STK32B: variants seen among roughly 807,000 people sequenced by gnomAD.
STK32B encodes the protein serine/threonine kinase 32B, also known as serine/threonine-protein kinase 32B.
Under a neutral mutation model 52.6 loss-of-function variants are expected in STK32B, and 43 were observed. The observed-to-expected ratio is 0.82, with a 90% CI of 0.64 to 1.05. The LOEUF is 1.05. Ranked by LOEUF, STK32B falls within the 50% of genes least tolerant of loss-of-function variation. The probability of loss-of-function intolerance (pLI) is 0.00; values close to 1 mark genes in which losing one functional copy is unlikely to be tolerated. For missense variants in STK32B, 621 were observed against 534.6 expected, an observed-to-expected ratio of 1.16 and a Z score of -1.59; for synonymous variants, 238 against 204.3, an observed-to-expected ratio of 1.17 and a Z score of -1.41.
intron 4 of STK32B, among the ~76,000 whole-genome samples, chr4:5,337,190 C>T (rs902815998): frequency 1.3e-5 from 2 of 151,308 alleles, no homozygotes; most frequent in East Asian, 3.9e-4. Flanking sequence ...GGTTTCAGCA[C>T]GTTACCCGGG....
At chr4:5,351,804 C>T (rs1318595970) in intron 4 of STK32B, among the ~76,000 whole-genome samples, 1 of 151,944 alleles carries the variant, frequency 6.6e-6, no homozygotes, top group Non-Finnish European at 1.5e-5. Context: ...TACGAAAGAT[C>T]ATCAGATACC....
At chr4:5,443,746 T>A (rs1036179374) in intron 6 of STK32B, among the ~76,000 whole-genome samples, 17 of 151,920 alleles carry the variant, frequency 1.1e-4, no homozygotes, top group Non-Finnish European at 2.1e-4. Context: ...CTACTTTTGG[T>A]CTTTGATGAT....
In STK32B at chr4:5,058,440, G is replaced by A. The variant is rs1742089880; in HGVS notation, c.52+6525G>A. On this transcript the variant is annotated intron_variant, in intron 1 of 11. Transcript: ENST00000282908. The surrounding 1 kb of genome is among the most constrained non-coding windows in gnomAD (Gnocchi z 4.8). ...GAGCAACCACAGTGATCTACATGGT[G>A]GAACTTATTTCAGTCTGGTTCCCAG... is the stretch of plus-strand genomic sequence containing the variant. 6.6e-6 allele frequency among the ~76,000 whole-genome samples: 1 copy of A among 152,192 alleles called. No homozygotes were observed. Among genetic ancestry groups the A allele is most frequent in the Non-Finnish European group, 1.5e-5 (1 of 68,038 alleles).
chr4:5,296,622 T>C (rs1408759078), intron 3 of STK32B, among the ~76,000 whole-genome samples: 1 of 152,218 alleles, frequency 6.6e-6, no homozygotes, highest in Non-Finnish European at 1.5e-5. Context: ...TTGGTGAATA[T>C]CCCTCCATCC....
At chr4:5,317,014 A>AATATATAATATATATGATATAATAT (rs1730977113) in intron 3 of STK32B, among the ~76,000 whole-genome samples, 2 of 25,610 alleles carry the variant, frequency 7.8e-5, no homozygotes, top group Non-Finnish European at 1.0e-4. Context: ...TAATATATAT[A>AATATATAATATATATGATATAATAT]ATATATAATA....
At chr4:5,184,017 T>C (rs1720552704) in intron 3 of STK32B, among the ~76,000 whole-genome samples, 1 of 152,202 alleles carries the variant, frequency 6.6e-6, no homozygotes, top group African/African-American at 2.4e-5. Context: ...GTTTCTCTTC[T>C]TTATCATTGT....
chr4:5,115,307 T>C (rs370472788), intron 1 of STK32B, among the ~76,000 whole-genome samples: 49 of 152,284 alleles, frequency 3.2e-4, no homozygotes, highest in African/African-American at 9.9e-4. Context: ...TTCTAATCTC[T>C]GCATCAGCAT....
At chr4:5,432,715 T>G (rs994873730) in intron 6 of STK32B, among the ~76,000 whole-genome samples, 1 of 152,206 alleles carries the variant, frequency 6.6e-6, no homozygotes, top group Non-Finnish European at 1.5e-5. Context: ...GAAGTTTTCA[T>G]GCTAAAAAGC....
chr4:5,430,023 G>A (rs1392462071), intron 6 of STK32B, among the ~76,000 whole-genome samples: 1 of 151,790 alleles, frequency 6.6e-6, no homozygotes, highest in Non-Finnish European at 1.5e-5. Context: ...CCCTCTTTTT[G>A]ATTTTAGATA....
intron 11 of STK32B, among the ~76,000 whole-genome samples, chr4:5,482,629 T>C (rs888865521): frequency 6.6e-6 from 1 of 152,194 alleles, no homozygotes; most frequent in Non-Finnish European, 1.5e-5. Context: ...CTATATTGAA[T>C]AGGAGTAGTG....
the STK32B span, among the ~76,000 whole-genome samples, chr4:5,036,941 T>C: frequency 2.6e-5 from 4 of 152,130 alleles, no homozygotes; most frequent in East Asian, 7.8e-4. Flanking sequence ...GCTGGGATTA[T>C]AGGCATGAGA....
At chr4:5,331,058 A>C (rs1190895460) in intron 3 of STK32B, among the ~76,000 whole-genome samples, 162 bp from the exon 4 acceptor site, 1 of 152,068 alleles carries the variant, frequency 6.6e-6, no homozygotes, top group Non-Finnish European at 1.5e-5. Context: ...TGAGGATTGA[A>C]AGCCTTTTCC....
intron 6 of STK32B, among the ~76,000 whole-genome samples, chr4:5,445,996 G>C (rs907596120): frequency 8.5e-5 from 13 of 152,276 alleles, no homozygotes; most frequent in Admixed American, 8.5e-4. Flanking sequence ...TCAACCCCCT[G>C]GGGGTTCTGT....
intron 3 of STK32B, among the ~76,000 whole-genome samples, chr4:5,269,346 TTTAGA>T (rs2108854555): frequency 6.6e-6 from 1 of 152,258 alleles, no homozygotes; most frequent in South Asian, 2.1e-4. Context: ...GGTACTAAGC[TTTAGA>T]TTAAGTATTA....
rs137874810 is a variant in STK32B at position 5,331,284 on chromosome 4, C to T, written c.325C>T (p.Arg109Cys). Reference sequence around the variant, plus strand: ...GGACCTGCTCCTGGGAGGCGACCTGCGCTACCATCTGCAGCAGAATGTGCA... The same window carrying T: ...GGACCTGCTCCTGGGAGGCGACCTGTGCTACCATCTGCAGCAGAATGTGCA... ...VVDLLLGGDL[R>C]YHLQQNVHFT... The change falls in exon 4 of 12, where the codon CGC becomes TGC. Residue 109 changes from arginine to cysteine, a missense_variant. Transcript: ENST00000282908. 58 of 1,613,838 alleles carry T rather than the reference C, an allele frequency of 3.6e-5. No individual in the cohort carries two copies. The highest frequency in any genetic ancestry group is 1.8e-4 in the South Asian group (16 of 91,044).
At chr4:5,311,552 C>G (rs377663166) in intron 3 of STK32B, among the ~76,000 whole-genome samples, 1 of 152,044 alleles carries the variant, frequency 6.6e-6, no homozygotes. Flanking sequence ...GACTGACAAA[C>G]ATAAAATGAA....
intron 1 of STK32B, among the ~76,000 whole-genome samples, chr4:5,128,913 G>C (rs1316313549): frequency 6.6e-6 from 1 of 152,176 alleles, no homozygotes; most frequent in Non-Finnish European, 1.5e-5. Flanking sequence ...TGGAATTTCT[G>C]GGGTAAAACG....
At chr4:5,498,238 C>T (rs1201470154) in intron 11 of STK32B, among the ~76,000 whole-genome samples, 2 of 152,130 alleles carry the variant, frequency 1.3e-5, no homozygotes, top group Non-Finnish European at 2.9e-5. Flanking sequence ...TGTGGTATAG[C>T]GAATGAACTT....
At chr4:5,313,698 A>G (rs1730468165) in intron 3 of STK32B, among the ~76,000 whole-genome samples, 2 of 152,160 alleles carry the variant, frequency 1.3e-5, no homozygotes, top group Admixed American at 1.3e-4. Context: ...GTTGTGGTCT[A>G]CAACATTCGT....
Sources: allele counts gnomAD v4.1 joint callset (sites outside exome capture counted in the v4.1 genomes callset), GRCh38; gene constraint gnomAD v4.1.1; non-coding constraint Gnocchi (gnomAD v3.1); transcripts MANE v1.5; gene names NCBI Gene and HGNC (gene_info 2026-07-23, HGNC 2026-07-21).